TRIM36: variants seen among roughly 807,000 people sequenced by gnomAD.
The protein encoded by TRIM36 is E3 ubiquitin-protein ligase TRIM36.
TRIM36 carries 42 observed loss-of-function variants against 72.4 expected under a neutral mutation model. That is an observed-to-expected ratio of 0.58 (90% CI 0.45 to 0.75). TRIM36 has a LOEUF of 0.75. Ranked by LOEUF, TRIM36 falls within the 30% of genes least tolerant of loss-of-function variation. The probability of loss-of-function intolerance (pLI) is 0.00; values close to 1 mark genes in which losing one functional copy is unlikely to be tolerated. For missense variants in TRIM36, 913 were observed against 857.1 expected, an observed-to-expected ratio of 1.07 and a Z score of -0.81; for synonymous variants, 315 against 282.8, an observed-to-expected ratio of 1.11 and a Z score of -1.14.
rs778256280 is a variant in TRIM36 at position 115,134,057 on chromosome 5, T to A, written c.1301A>T (p.Asp434Val). The A allele has an allele frequency of 5.6e-6, 9 of 1,613,746 alleles. No individual in the cohort carries two copies. The South Asian group carries it at 8.8e-5, about 16-fold the overall frequency. The change falls in exon 8 of 10, where the codon GAT becomes GTT. Residue 434 changes from aspartate (D) to valine (V), a missense_variant. Asp to Val is a radical substitution (Grantham distance 152, BLOSUM62 -3). Coordinates refer to ENST00000513154, the MANE Select transcript of TRIM36 (RefSeq NM_001300759.2). ...TTTCCGATATTCAAGAACATAGCTA[T>A]CAGCTTTATCCTTTTCTGGATGGTG... ...NWHHPEKDKA[D>V]SYVLEYRKIN... is the part of the protein sequence containing the mutation.
At chr5:115,167,234 T>C (rs1048187378) in intron 1 of TRIM36, among the ~76,000 whole-genome samples, 8 of 152,148 alleles carry the variant, frequency 5.3e-5, no homozygotes, top group African/African-American at 1.9e-4. Context: ...CTCCTAGGCC[T>C]CCAGGCCTGT....
At chr5:115,169,919 G>C (rs533944331), upstream of TRIM36, 86 of 1,281,074 alleles carry the variant, frequency 6.7e-5, no homozygotes, top group Admixed American at 1.2e-4. Context: ...GGCTGGGAAC[G>C]GCGCCGCGCA....
intron 1 of TRIM36, among the ~76,000 whole-genome samples, chr5:115,166,936 G>T (rs1203596741): frequency 6.6e-6 from 1 of 152,186 alleles, no homozygotes; most frequent in Non-Finnish European, 1.5e-5. Flanking sequence ...CAGCCACCAT[G>T]CCTGGCTGTG....
chr5:115,145,452 G>C (rs1484310967), intron 3 of TRIM36, among the ~76,000 whole-genome samples: 1 of 152,160 alleles, frequency 6.6e-6, no homozygotes, highest in Non-Finnish European at 1.5e-5. Context: ...AAAATCAAAA[G>C]TTGTTAAAGA....
chr5:115,163,665 T>C lies in TRIM36; in HGVS notation c.115A>G (p.Ser39Gly), dbSNP rs1394162801. The C allele has an allele frequency of 6.2e-7, 1 of 1,614,166 alleles. No homozygotes were observed. Among genetic ancestry groups the C allele is most frequent in the Non-Finnish European group, 8.5e-7 (1 of 1,180,036 alleles). Residue 39 changes from serine to glycine, a missense_variant, in exon 2 of 10, where the codon AGT (serine) becomes GGT (glycine). Ser to Gly is a moderately conservative substitution (Grantham distance 56, BLOSUM62 0). Coordinates refer to ENST00000513154, the MANE Select transcript of TRIM36 (RefSeq NM_001300759.2). ...TCTTTTACACATTTATGACAGATAC[T>C]ATGTTGGCAAGGGAGAATCAATGGG... Reference protein sequence around the residue: ...THPLILPCQHSICHKCVKELL... With the variant: ...THPLILPCQHGICHKCVKELL...
At chr5:115,168,859 G>A (rs562926668) in intron 1 of TRIM36, 16 of 152,308 alleles carry the variant, frequency 1.1e-4, no homozygotes, top group African/African-American at 3.6e-4. Flanking sequence ...GTCAGTTCAG[G>A]TTTACTTGTC....
chr5:115,141,253 A>G (rs1407702921), intron 5 of TRIM36, 26 bp downstream of exon 5: 4 of 1,465,610 alleles, frequency 2.7e-6, no homozygotes, highest in Non-Finnish European at 3.8e-6. Flanking sequence ...AATAATTTAA[A>G]ATATGCAAGC....
chr5:115,162,831 C>T (rs1015034673), intron 2 of TRIM36, among the ~76,000 whole-genome samples: 3 of 152,064 alleles, frequency 2.0e-5, no homozygotes, highest in African/African-American at 7.2e-5. Context: ...AGTCCCACTC[C>T]TTAACTCTGC....
At position 115,143,934 on chromosome 5, in the gene TRIM36, G is replaced by A. The variant is rs541825982; in HGVS notation, c.735+664C>T. Reference sequence around the variant, plus strand: ...CACCCAGGCTGGAGTGCAGTGGCGCGATCTCAGCTCACTGCAAGCTCCGCC... The same window carrying A: ...CACCCAGGCTGGAGTGCAGTGGCGCAATCTCAGCTCACTGCAAGCTCCGCC... On this transcript the variant is annotated intron_variant, in intron 4 of 9. Transcript: ENST00000513154. 5.3e-5 allele frequency among the ~76,000 whole-genome samples: 8 copies of A among 152,094 alleles called. No homozygotes were observed. The East Asian group carries it at 9.7e-4, about 18-fold the overall frequency.
intron 1 of TRIM36, among the ~76,000 whole-genome samples, chr5:115,176,324 A>C (rs1217692776): frequency 2.0e-5 from 3 of 152,146 alleles, no homozygotes; most frequent in Non-Finnish European, 4.4e-5. Context: ...TTCCAAGACT[A>C]ATTCTTTCAG....
chr5:115,140,584 T>TACC (rs150434567), intron 5 of TRIM36, among the ~76,000 whole-genome samples: 54 of 152,254 alleles, frequency 3.5e-4, no homozygotes, highest in African/African-American at 1.2e-3. Flanking sequence ...GACACTAACC[T>TACC]ACCCCCCTCC....
rs1158886839 is a variant in TRIM36, at chr5:115,130,737, T to C, written c.1651A>G (p.Ile551Val). 1 of 1,614,004 alleles carries C rather than the reference T, an allele frequency of 6.2e-7. No individual in the cohort carries two copies. Among genetic ancestry groups the C allele is most frequent in the Non-Finnish European group, 8.5e-7 (1 of 1,180,048 alleles). Residue 551 changes from isoleucine to valine, a missense_variant, in exon 9 of 10, where the codon ATC becomes GTC. Physicochemically the swap from Ile to Val is conservative, Grantham distance 29 (BLOSUM62 3). Coordinates refer to ENST00000513154, the MANE Select transcript of TRIM36 (RefSeq NM_001300759.2). ...TTTGTAATGCCAGTATCTCCAATGA[T>C]GTAGTCTAAGCTTGTGTAATAACCC... Reference protein sequence around the residue: ...QVGYYTSLDYIIGDTGITKGK... With the variant: ...QVGYYTSLDYVIGDTGITKGK...
chr5:115,160,138 T>G (rs1029161356), intron 2 of TRIM36, among the ~76,000 whole-genome samples: 2 of 152,182 alleles, frequency 1.3e-5, no homozygotes, highest in Non-Finnish European at 2.9e-5. Flanking sequence ...ATGGCTTTTA[T>G]TTGTACATAA....
chr5:115,172,947 T>C (rs1221679177), upstream of TRIM36, among the ~76,000 whole-genome samples: 1 of 152,240 alleles, frequency 6.6e-6, no homozygotes, highest in African/African-American at 2.4e-5. Flanking sequence ...TATATGTACA[T>C]GTTATAGTTC....
intron 1 of TRIM36, among the ~76,000 whole-genome samples, chr5:115,167,986 C>T (rs973409756): frequency 2.6e-5 from 4 of 152,104 alleles, no homozygotes; most frequent in African/African-American, 9.7e-5. Flanking sequence ...TGGCAGCAGG[C>T]GAGAGGGAGT....
At chr5:115,145,436 G>A (rs1177535481) in intron 3 of TRIM36, among the ~76,000 whole-genome samples, 2 of 152,148 alleles carry the variant, frequency 1.3e-5, no homozygotes, top group African/African-American at 4.8e-5. Context: ...AAGTTAGTAT[G>A]TTAATAAAAT....
At chr5:115,127,379 G>A (rs1752412799) in intron 9 of TRIM36, among the ~76,000 whole-genome samples, 1 of 152,194 alleles carries the variant, frequency 6.6e-6, no homozygotes, top group African/African-American at 2.4e-5. Context: ...TGGCCAACAT[G>A]ACAAAACCAT....
chr5:115,161,077 C>T (rs968322572), intron 2 of TRIM36, among the ~76,000 whole-genome samples: 2 of 152,164 alleles, frequency 1.3e-5, no homozygotes, highest in Non-Finnish European at 2.9e-5. Context: ...ACAGCATTCG[C>T]ACCCTTTGGG....
At chr5:115,152,880 C>G (rs1033849879) in intron 2 of TRIM36, among the ~76,000 whole-genome samples, 1 of 152,100 alleles carries the variant, frequency 6.6e-6, no homozygotes, top group African/African-American at 2.4e-5. Flanking sequence ...AATCTTGAAA[C>G]AAATCCTGGA....
Sources: gnomAD v4.1 joint callset for allele counts (sites outside exome capture counted in the v4.1 genomes callset) on GRCh38, gnomAD v4.1.1 for gene constraint, MANE v1.5 for transcripts, NCBI Gene and HGNC (gene_info 2026-07-23, HGNC 2026-07-21) for gene names.